Variants in CTNND2 observed in about 807,000 individuals in gnomAD.
CTNND2 encodes the protein catenin delta-2.
CTNND2 carries 22 observed loss-of-function variants against 144.4 expected under a neutral mutation model. The ratio of observed to expected loss-of-function variants is 0.15; its 90% CI spans 0.11 to 0.22. CTNND2 has a LOEUF of 0.22. CTNND2 is among the 10% of genes least tolerant of loss of function. The probability of loss-of-function intolerance (pLI) is 1.00; values close to 1 mark genes in which losing one functional copy is unlikely to be tolerated. For missense variants in CTNND2, 1,353 were observed against 1,618.8 expected, an observed-to-expected ratio of 0.84 and a Z score of 2.82; for synonymous variants, 751 against 695.6, an observed-to-expected ratio of 1.08 and a Z score of -1.25.
chr5:11,564,116 C>T (rs1315525054), intron 3 of CTNND2, among the ~76,000 whole-genome samples: 1 of 152,176 alleles, frequency 6.6e-6, no homozygotes, highest in Non-Finnish European at 1.5e-5. Context: ...AAGAAGTAGG[C>T]TTAGTTGGCT....
chr5:11,639,549 C>T (rs932295747), intron 2 of CTNND2, among the ~76,000 whole-genome samples: 12 of 152,108 alleles, frequency 7.9e-5, no homozygotes, highest in African/African-American at 2.4e-4. Flanking sequence ...GTCTCTAATA[C>T]GATATTAACA....
At chr5:11,228,648 G>C (rs1033405430) in intron 10 of CTNND2, among the ~76,000 whole-genome samples, 1 of 151,938 alleles carries the variant, frequency 6.6e-6, no homozygotes, top group African/African-American at 2.4e-5. Context: ...ACCATGCCCA[G>C]CTAATTTTTG....
chr5:11,457,179 AC>A (rs1765801492), intron 3 of CTNND2, among the ~76,000 whole-genome samples: 2 of 152,174 alleles, frequency 1.3e-5, no homozygotes, highest in East Asian at 3.9e-4. Flanking sequence ...AAGTGGGAAG[AC>A]TGCTTGAGTC....
At chr5:11,039,470 C>T (rs1744455201) in intron 16 of CTNND2, among the ~76,000 whole-genome samples, 1 of 152,194 alleles carries the variant, frequency 6.6e-6, no homozygotes, top group African/African-American at 2.4e-5. Context: ...ATACCAGTCC[C>T]CTTTTCCCAG....
At chr5:11,558,384 C>CTGTGTG (rs1561554563) in intron 3 of CTNND2, among the ~76,000 whole-genome samples, 719 of 55,150 alleles carry the variant, frequency 0.013, 2 homozygotes, top group South Asian at 0.033. Context: ...GTGTGTGTGA[C>CTGTGTG]ACACAAGGTC....
intron 8 of CTNND2, among the ~76,000 whole-genome samples, chr5:11,348,969 T>G (rs1421546629): frequency 6.6e-6 from 1 of 152,168 alleles, no homozygotes; most frequent in South Asian, 2.1e-4. Context: ...CTTTAGACCC[T>G]TTCAGGGAAA....
At chr5:11,120,060 A>G (rs1753932420) in intron 12 of CTNND2, among the ~76,000 whole-genome samples, 1 of 152,218 alleles carries the variant, frequency 6.6e-6, no homozygotes, top group Admixed American at 6.5e-5. Context: ...TCTTTATTCT[A>G]GTTTCTATTC....
chr5:11,116,600 T>C (rs1312494951), intron 13 of CTNND2, among the ~76,000 whole-genome samples: 2 of 152,272 alleles, frequency 1.3e-5, no homozygotes, highest in East Asian at 3.8e-4. Flanking sequence ...AATTCTATTC[T>C]GGCTTGTGAA....
intron 11 of CTNND2, among the ~76,000 whole-genome samples, chr5:11,192,615 T>C (rs1014467336): frequency 2.6e-5 from 4 of 152,064 alleles, no homozygotes; most frequent in Non-Finnish European, 5.9e-5. Context: ...AGGGATGCAA[T>C]GCTACTGGCT....
intron 21 of CTNND2, among the ~76,000 whole-genome samples, chr5:10,974,308 G>A (rs1736176441): frequency 6.6e-6 from 1 of 152,148 alleles, no homozygotes; most frequent in East Asian, 1.9e-4. Flanking sequence ...TGTATGATGT[G>A]CATTGCTCCA....
At chr5:11,046,214 C>G (rs192092624) in intron 16 of CTNND2, among the ~76,000 whole-genome samples, 1 of 152,118 alleles carries the variant, frequency 6.6e-6, no homozygotes, top group African/African-American at 2.4e-5. Context: ...GGGTGGGCTC[C>G]TAATCCAATA....
Position 11,044,545 on chromosome 5 carries a change from C to T in CTNND2, c.2789-21566G>A, listed in dbSNP as rs62337244. ...CACATGCTTGCAAAAAAAAAAAATACATATATATATATATATATAAATGGG... is the reference window on the plus strand; with the variant it reads ...CACATGCTTGCAAAAAAAAAAAATATATATATATATATATATATAAATGGG... On this transcript the variant is annotated intron_variant, in intron 16 of 21. Transcript: ENST00000304623. Among the ~76,000 whole-genome samples the T allele has an allele frequency of 7.4e-3, 1,088 of 146,652 alleles. 11 individuals carry two copies. Among genetic ancestry groups the T allele is most frequent in the Middle Eastern group, 0.028 (8 of 284 alleles).
At chr5:11,771,211 G>GTTTTTTTA (rs1302426806) in intron 1 of CTNND2, among the ~76,000 whole-genome samples, 1,501 of 125,056 alleles carry the variant, frequency 0.012, 2 homozygotes, top group Non-Finnish European at 0.017. Context: ...TTTTTTTTTG[G>GTTTTTTTA]GATGGAGTCT....
chr5:11,415,119 G>A (rs902512631), intron 3 of CTNND2, among the ~76,000 whole-genome samples: 1 of 152,140 alleles, frequency 6.6e-6, no homozygotes, highest in African/African-American at 2.4e-5. Flanking sequence ...GGGATTGTCG[G>A]GTTGAATAGC....
chr5:11,081,432 T>C (rs547939917), intron 16 of CTNND2, among the ~76,000 whole-genome samples: 8 of 152,202 alleles, frequency 5.3e-5, no homozygotes, highest in Non-Finnish European at 1.0e-4. Context: ...CAAAAATGCT[T>C]AGGACCAGAA....
intron 3 of CTNND2, among the ~76,000 whole-genome samples, chr5:11,451,127 A>G (rs967908890): frequency 1.6e-4 from 25 of 152,116 alleles, no homozygotes; most frequent in African/African-American, 5.5e-4. Context: ...AACCAAAGGT[A>G]TATATATAAA....
At chr5:11,170,008 A>G (rs1274165725) in intron 11 of CTNND2, among the ~76,000 whole-genome samples, 1 of 152,226 alleles carries the variant, frequency 6.6e-6, no homozygotes, top group African/African-American at 2.4e-5. Context: ...CTTGTCATGC[A>G]CTAGGATTTT....
intron 1 of CTNND2, among the ~76,000 whole-genome samples, chr5:11,898,693 T>A (rs763776527): frequency 1.2e-4 from 18 of 152,142 alleles, no homozygotes; most frequent in Admixed American, 3.3e-4. Context: ...CTTACTTTGA[T>A]CCAAAAAAAC....
intron 1 of CTNND2, among the ~76,000 whole-genome samples, chr5:11,771,104 T>A (rs997421037): frequency 2.0e-5 from 3 of 151,840 alleles, no homozygotes; most frequent in Non-Finnish European, 4.4e-5. Context: ...AGGCTTTACA[T>A]TATAAAAAGG....
Sources: gnomAD v4.1 joint callset for allele counts (sites outside exome capture counted in the v4.1 genomes callset) on GRCh38, gnomAD v4.1.1 for gene constraint, MANE v1.5 for transcripts, NCBI Gene and HGNC (gene_info 2026-07-23, HGNC 2026-07-21) for gene names.